Variants in GABRB1 observed in about 807,000 individuals in gnomAD.
GABRB1 encodes gamma-aminobutyric acid receptor subunit beta-1.
GABRB1 carries 17 observed loss-of-function variants against 51.6 expected under a neutral mutation model. The observed-to-expected ratio is 0.33, with a 90% CI of 0.23 to 0.49. The LOEUF is 0.49. Among genes scored for constraint, GABRB1 ranks in the 20% least tolerant of loss-of-function variants. GABRB1 has a pLI of 0.99. For missense variants in GABRB1, 410 were observed against 600.6 expected (o/e 0.68, Z 3.32); for synonymous variants, 247 against 218.9 (o/e 1.13, Z -1.14).
At chr4:47,247,249 A>T (rs1232044729) in intron 4 of GABRB1, among the ~76,000 whole-genome samples, 3 of 152,088 alleles carry the variant, frequency 2.0e-5, no homozygotes, top group Non-Finnish European at 2.9e-5. Context: ...CTAGCCAATC[A>T]TCCCAGCACC....
intron 5 of GABRB1, among the ~76,000 whole-genome samples, chr4:47,331,798 A>G (rs1725492576): frequency 6.6e-6 from 1 of 152,188 alleles, no homozygotes; most frequent in East Asian, 1.9e-4. Flanking sequence ...AAGATTCCCC[A>G]CTGATTTCTC....
At chr4:47,211,097 C>T (rs2109810129) in intron 4 of GABRB1, among the ~76,000 whole-genome samples, 1 of 152,302 alleles carries the variant, frequency 6.6e-6, no homozygotes, top group African/African-American at 2.4e-5. Flanking sequence ...TGTGCTTGGG[C>T]ACTACTTCTT....
intron 5 of GABRB1, among the ~76,000 whole-genome samples, chr4:47,371,513 G>T (rs1012259592): frequency 6.6e-6 from 1 of 152,122 alleles, no homozygotes; most frequent in Non-Finnish European, 1.5e-5. Flanking sequence ...AAATCATCAC[G>T]CTGTCTTCCA....
chr4:47,100,270 G>C (rs1714665637), intron 3 of GABRB1, among the ~76,000 whole-genome samples: 1 of 151,908 alleles, frequency 6.6e-6, no homozygotes, highest in Non-Finnish European at 1.5e-5. Flanking sequence ...CTGGTTATTT[G>C]TAAAATTATA....
chr4:47,176,318 A>G (rs1718697562), intron 4 of GABRB1, among the ~76,000 whole-genome samples: 1 of 152,130 alleles, frequency 6.6e-6, no homozygotes, highest in South Asian at 2.1e-4. Flanking sequence ...TAATTAACAC[A>G]TTATAGAAGG....
At chr4:47,042,273 T>A (rs1725879497) in intron 3 of GABRB1, among the ~76,000 whole-genome samples, 1 of 150,868 alleles carries the variant, frequency 6.6e-6, no homozygotes, top group African/African-American at 2.4e-5. Context: ...GTAATTTTTT[T>A]ATGTTGACCA....
At chr4:47,364,359 C>T (rs1410582311) in intron 5 of GABRB1, among the ~76,000 whole-genome samples, 3 of 149,804 alleles carry the variant, frequency 2.0e-5, no homozygotes, top group Non-Finnish European at 4.4e-5. Flanking sequence ...AAGCAAATTA[C>T]AAAATAAAGA....
rs551182227 is a variant in GABRB1 at position 47,349,584 on chromosome 4, G to A, written c.544+29375G>A. Among the ~76,000 whole-genome samples, 6 of 152,264 alleles carry A rather than the reference G, an allele frequency of 3.9e-5. No homozygotes were observed. The South Asian group carries it at 6.2e-4, about 16-fold the overall frequency. On this transcript the variant is annotated intron_variant, in intron 5 of 8. Transcript: ENST00000295454. Reference sequence around the variant, plus strand: ...CCATCCTGCTCCATCAGCCTGAGACGTGAATCATCCCTTTGTCCGGTGGAT... The same window carrying A: ...CCATCCTGCTCCATCAGCCTGAGACATGAATCATCCCTTTGTCCGGTGGAT...
chr4:47,058,637 G>A (rs1368941934), intron 3 of GABRB1, among the ~76,000 whole-genome samples: 1 of 152,184 alleles, frequency 6.6e-6, no homozygotes. Context: ...TGGGGGTAAT[G>A]CAGGCTGAGG....
intron 5 of GABRB1, among the ~76,000 whole-genome samples, chr4:47,323,404 G>T (rs1230409289): frequency 2.0e-5 from 3 of 152,178 alleles, no homozygotes; most frequent in Non-Finnish European, 4.4e-5. Flanking sequence ...AGCTTTGCTT[G>T]TTTCTACCTA....
At chr4:47,397,395 G>A (rs75098439) in intron 5 of GABRB1, among the ~76,000 whole-genome samples, 6,178 of 152,108 alleles carry the variant, frequency 0.041, 462 homozygotes, top group African/African-American at 0.14. Context: ...ATAATTTGAG[G>A]CACCACTTTT....
At chr4:47,400,546 C>CTCTCTCTCTCTCTCTCTCTCTT (rs10684391) in intron 5 of GABRB1, among the ~76,000 whole-genome samples, 11 of 150,860 alleles carry the variant, frequency 7.3e-5, no homozygotes, top group African/African-American at 2.7e-4. Flanking sequence ...CTCTCTCTCT[C>CTCTCTCTCTCTCTCTCTCTCTT]TCTCTCTCAG....
chr4:47,056,226 C>G (rs371854858), intron 3 of GABRB1, among the ~76,000 whole-genome samples: 4 of 152,158 alleles, frequency 2.6e-5, no homozygotes, highest in African/African-American at 9.7e-5. Flanking sequence ...TTTCAGAGGT[C>G]TTTTAATATG....
Position 47,032,310 on chromosome 4 carries a change from G to A in GABRB1, c.173-107G>A, listed in dbSNP as rs868388438. On this transcript the variant is annotated intron_variant, in intron 2 of 8. Transcript: ENST00000295454. ...CTGAAAGGGGTGGTGGGGGGAGCAG[G>A]GAGGGAGCCCGTTAAGAATGGAGTA... 4.6e-5 allele frequency: 48 copies of A among 1,044,312 alleles called. No homozygotes were observed. The Middle Eastern group carries it at 8.8e-4, about 19-fold the overall frequency. 64.7% of individuals were successfully genotyped at this position (1,044,312 alleles called of 1,614,324 possible). A position where few individuals can be genotyped will look rare whatever the true frequency, so the allele number is the denominator to read the frequency against.
intron 4 of GABRB1, among the ~76,000 whole-genome samples, chr4:47,275,367 C>A (rs1351801843): frequency 6.6e-6 from 1 of 152,080 alleles, no homozygotes; most frequent in East Asian, 1.9e-4. Flanking sequence ...AGACCATGTG[C>A]TCTTGAAATA....
At chr4:47,303,131 A>G (rs1203931336) in intron 4 of GABRB1, among the ~76,000 whole-genome samples, 1 of 151,946 alleles carries the variant, frequency 6.6e-6, no homozygotes, top group Non-Finnish European at 1.5e-5. Context: ...ATTTCTAGTT[A>G]CTAAAACTTT....
At chr4:47,364,606 CT>C (rs1726916460) in intron 5 of GABRB1, among the ~76,000 whole-genome samples, 1 of 150,252 alleles carries the variant, frequency 6.7e-6, no homozygotes, top group Non-Finnish European at 1.5e-5. Flanking sequence ...AAAAGAAAAA[CT>C]AAAACCAGTG....
chr4:47,327,851 G>T (rs1459729023), intron 5 of GABRB1, among the ~76,000 whole-genome samples: 1 of 152,100 alleles, frequency 6.6e-6, no homozygotes, highest in African/African-American at 2.4e-5. Context: ...GGGTCAAATG[G>T]TATTTCTAGT....
intron 1 of GABRB1, among the ~76,000 whole-genome samples, chr4:47,011,755 C>T (rs1022672129): frequency 6.6e-6 from 1 of 152,062 alleles, no homozygotes; most frequent in East Asian, 1.9e-4. Flanking sequence ...CCTTTTCAAG[C>T]TTTAAGATTT....
Sources: allele counts gnomAD v4.1 joint callset (sites outside exome capture counted in the v4.1 genomes callset), GRCh38; gene constraint gnomAD v4.1.1; transcripts MANE v1.5; gene names NCBI Gene and HGNC (gene_info 2026-07-23, HGNC 2026-07-21).